Variants in WBP2NL observed in about 807,000 individuals in gnomAD.
WBP2NL encodes WBP2 N-terminal like.
In WBP2NL, 27 loss-of-function variants were observed where a neutral mutation model predicts 23.3. That is an observed-to-expected ratio of 1.16 (90% CI 0.85 to 1.60). The LOEUF is 1.60. Ranked by LOEUF, WBP2NL falls within the 40% of genes most tolerant of loss-of-function variation. The pLI is 0.00. For synonymous variants in WBP2NL, 151 were observed against 145.9 expected (o/e 1.03, Z -0.25); for missense variants, 370 against 389.5 (o/e 0.95, Z 0.42).
chr22:42,020,175 T>A, intron 4 of WBP2NL, 79 bp downstream of exon 4: 1 of 1,350,312 alleles, frequency 7.4e-7, no homozygotes, highest in Non-Finnish European at 1.0e-6. Context: ...TTGTTGTTGC[T>A]GTTGTTGTTG....
intron 1 of WBP2NL, among the ~76,000 whole-genome samples, chr22:42,010,045 A>G (rs1401233386): frequency 6.6e-6 from 1 of 152,082 alleles, no homozygotes; most frequent in Admixed American, 6.5e-5. Context: ...ATTCCTAAGT[A>G]TTTTATTCTT....
At chr22:42,015,310 C>G (rs1923200565) in intron 1 of WBP2NL, among the ~76,000 whole-genome samples, 1 of 152,218 alleles carries the variant, frequency 6.6e-6, no homozygotes, top group Admixed American at 6.5e-5. Flanking sequence ...CCAGCCCTTG[C>G]AGATGGGCTT....
chr22:42,019,293 G>A lies in WBP2NL; in HGVS notation c.63-18G>A, dbSNP rs746768004. 4.9e-5 allele frequency: 78 copies of A among 1,601,078 alleles called. 2 individuals carry two copies. In the Admixed American group the frequency reaches 1.3e-3, roughly 27 times the overall value. On this transcript the variant is annotated intron_variant, in intron 1 of 5. Coordinates refer to ENST00000328823, the MANE Select transcript of WBP2NL (RefSeq NM_152613.3). ...ATACATTCTTTATTGTGTGCCGTCTGTTCCTCATTTTCTACAGTCTCTTGA... is the reference window on the plus strand; with the variant it reads ...ATACATTCTTTATTGTGTGCCGTCTATTCCTCATTTTCTACAGTCTCTTGA...
intron 8 of WBP2NL, among the ~76,000 whole-genome samples, chr22:42,042,592 G>A (rs1925436022): frequency 6.6e-6 from 1 of 152,056 alleles, no homozygotes; most frequent in Admixed American, 6.5e-5. Flanking sequence ...GTGTTCTCTT[G>A]TAGTTTGTGG....
chr22:42,026,478 CT>C (rs1186662198), intron 5 of WBP2NL, among the ~76,000 whole-genome samples: 3 of 151,992 alleles, frequency 2.0e-5, no homozygotes, highest in African/African-American at 4.8e-5. Flanking sequence ...GCATGTATTA[CT>C]TTTTTTCATA....
At chr22:42,020,868 G>GTATATA (rs1335645142) in intron 4 of WBP2NL, among the ~76,000 whole-genome samples, 19 of 15,226 alleles carry the variant, frequency 1.2e-3, no homozygotes, top group Non-Finnish European at 1.4e-3. Context: ...GTGTGTGTGT[G>GTATATA]TATATATATA....
chr22:42,055,298 C>T (rs1007615480), intron 8 of WBP2NL, among the ~76,000 whole-genome samples: 1 of 152,186 alleles, frequency 6.6e-6, no homozygotes, highest in East Asian at 1.9e-4. Context: ...CCTCAGCCTC[C>T]AGAGTAGCTG....
chr22:42,035,675 CA>C (rs1216624406), downstream of WBP2NL, among the ~76,000 whole-genome samples: 1 of 152,182 alleles, frequency 6.6e-6, no homozygotes, highest in Non-Finnish European at 1.5e-5. Context: ...TTATGACATA[CA>C]AAAATTATAT....
intron 8 of WBP2NL, among the ~76,000 whole-genome samples, chr22:42,039,534 TG>T (rs1038719013): frequency 2.6e-5 from 4 of 152,168 alleles, no homozygotes; most frequent in Non-Finnish European, 5.9e-5. Flanking sequence ...TGTTTGTTAT[TG>T]GTCTGCTCAG....
intron 8 of WBP2NL, among the ~76,000 whole-genome samples, chr22:42,055,953 T>A (rs1047422031): frequency 1.3e-5 from 2 of 152,078 alleles, no homozygotes; most frequent in African/African-American, 4.8e-5. Context: ...ACAAAGCACA[T>A]TTTTGGATTG....
chr22:42,022,443 C>T, intron 5 of WBP2NL, 87 bp downstream of exon 5: 1 of 1,180,726 alleles, frequency 8.5e-7, no homozygotes, highest in South Asian at 1.5e-5. Context: ...TTGCTCCCTG[C>T]AGGAGCAGCA....
chr22:42,001,762 A>G (rs1921715867), intron 1 of WBP2NL: 2 of 1,206,700 alleles, frequency 1.7e-6, no homozygotes, highest in Non-Finnish European at 1.2e-6. Context: ...CCGCACCAGG[A>G]CAGGACTCCG....
rs529224301 is a variant in WBP2NL, at chr22:42,052,500, G to A, written c.*274-5790G>A. On this transcript the variant is annotated intron_variant and NMD_transcript_variant, in intron 8 of 8. Transcript: ENST00000436265. ...TCACTATGTTGGCCAGGCTGGTCTC[G>A]AACTCCTGACCTCAGGCGATCCACC... Among the ~76,000 whole-genome samples the A allele has an allele frequency of 8.5e-5, 13 of 152,136 alleles. No homozygotes were observed. In the South Asian group the frequency reaches 1.7e-3, roughly 19 times the overall value.
At chr22:42,054,375 G>GAGATAGGGTTTCAC (rs1236708766) in intron 8 of WBP2NL, among the ~76,000 whole-genome samples, 1 of 149,024 alleles carries the variant, frequency 6.7e-6, no homozygotes, top group Non-Finnish European at 1.5e-5. Context: ...ATTTTTAGTA[G>GAGATAGGGTTTCAC]AGATAGGGTT....
chr22:42,054,017 C>T (rs1925939198), intron 8 of WBP2NL, among the ~76,000 whole-genome samples: 1 of 152,086 alleles, frequency 6.6e-6, no homozygotes, highest in Non-Finnish European at 1.5e-5. Flanking sequence ...CTCTTGAACT[C>T]CTGGCCTCAA....
At chr22:42,047,621 A>ATTTTTT (rs570138140) in intron 8 of WBP2NL, among the ~76,000 whole-genome samples, 2 of 133,066 alleles carry the variant, frequency 1.5e-5, no homozygotes, top group South Asian at 5.0e-4. Context: ...AACCAATCAA[A>ATTTTTT]TTTTTTTTTT....
At chr22:42,020,885 T>TATATATATATATA (rs1923869739) in intron 4 of WBP2NL, among the ~76,000 whole-genome samples, 1 of 53,008 alleles carries the variant, frequency 1.9e-5, no homozygotes, top group South Asian at 7.4e-4. Flanking sequence ...TATATATATA[T>TATATATATATATA]ATATATATAT....
chr22:42,026,655 ACTTCT>A, intron 5 of WBP2NL, 106 bp from the exon 6 acceptor site: 1 of 1,489,542 alleles, frequency 6.7e-7, no homozygotes, highest in Non-Finnish European at 9.0e-7. Flanking sequence ...ATTCTGCCTG[ACTTCT>A]CTTCTTGCGT....
chr22:42,034,007 G>A (rs1925087628), downstream of WBP2NL, among the ~76,000 whole-genome samples: 1 of 152,218 alleles, frequency 6.6e-6, no homozygotes, highest in South Asian at 2.1e-4. Flanking sequence ...GAACCTGTCT[G>A]CCTCCTTCCG....
Sources: allele counts gnomAD v4.1 joint callset (sites outside exome capture counted in the v4.1 genomes callset), GRCh38; gene constraint gnomAD v4.1.1; transcripts MANE v1.5; gene names NCBI Gene and HGNC (gene_info 2026-07-23, HGNC 2026-07-21).